The following EYS variants were observed in gnomAD, a reference collection of about 807,000 sequenced individuals.
EYS encodes EGF-like photoreceptor maintenance factor.
In EYS, 250 loss-of-function variants were observed where a neutral mutation model predicts 282.1. That is an observed-to-expected ratio of 0.89 (90% confidence interval 0.80 to 0.98). The LOEUF is 0.98. Among genes scored for constraint, EYS ranks in the 50% least tolerant of loss-of-function variants. The pLI, the probability that EYS is intolerant of heterozygous loss-of-function variation, is 0.00. For missense variants in EYS, 4,016 were observed against 3,709.0 expected, an observed-to-expected ratio of 1.08 and a Z score of -2.15; for synonymous variants, 1,355 against 1,282.9, an observed-to-expected ratio of 1.06 and a Z score of -1.20.
chr6:63,789,013 C>G, intron 38 of EYS, 45 bp downstream of exon 38: 1 of 1,533,524 alleles, frequency 6.5e-7, no homozygotes. Flanking sequence ...TGACAATATA[C>G]TAGTGCTCTC....
At position 64,043,153 on chromosome 6, in the gene EYS, T is replaced by C. The variant is rs9359739; in HGVS notation, c.6725+23185A>G. Among the ~76,000 whole-genome samples the C allele has an allele frequency of 1.5e-4, 23 of 152,264 alleles. No homozygotes were observed. In the East Asian group the frequency reaches 3.5e-3, roughly 23 times the overall value. Reference sequence around the variant, plus strand: ...TTATGACATAGGTACTGAATAGACATTTTTTAAACTAATGATAAAATACCA... The same window carrying C: ...TTATGACATAGGTACTGAATAGACACTTTTTAAACTAATGATAAAATACCA... On this transcript the variant is annotated intron_variant, in intron 33 of 42. Coordinates refer to ENST00000503581, the MANE Select transcript of EYS (RefSeq NM_001142800.2).
intron 22 of EYS, among the ~76,000 whole-genome samples, chr6:64,653,499 G>A (rs892957966): frequency 6.6e-5 from 10 of 152,068 alleles, no homozygotes; most frequent in African/African-American, 1.4e-4. Flanking sequence ...ACCTATAAAC[G>A]TGGCAATTTG....
chr6:64,081,546 A>G (rs1771967879), intron 32 of EYS, among the ~76,000 whole-genome samples: 1 of 152,192 alleles, frequency 6.6e-6, no homozygotes, highest in East Asian at 1.9e-4. Context: ...AGTGATTTAT[A>G]TCATAAAAGT....
rs144968860 is a variant in EYS, at chr6:64,094,155, G to A, written c.6425-12153C>T. On this transcript the variant is annotated intron_variant, in intron 31 of 42. Coordinates refer to ENST00000503581, the MANE Select transcript of EYS (RefSeq NM_001142800.2). ...TTTGATGTGCTGCTGGATTCGGTTT[G>A]CCAGTATTTTATTGAGGATTTTCGC... Among the ~76,000 whole-genome samples the A allele has an allele frequency of 4.8e-3, 730 of 152,064 alleles. 3 individuals carry two copies. Among genetic ancestry groups the A allele is most frequent in the African/African-American group, 0.016 (647 of 41,530 alleles).
intron 31 of EYS, among the ~76,000 whole-genome samples, chr6:64,151,996 C>T (rs1479425086): frequency 1.3e-5 from 2 of 152,064 alleles, no homozygotes; most frequent in Non-Finnish European, 2.9e-5. Context: ...TTTCCTAGAG[C>T]TGAATGATTA....
chr6:65,452,364 A>T (rs1764437774), intron 5 of EYS, among the ~76,000 whole-genome samples: 1 of 151,908 alleles, frequency 6.6e-6, no homozygotes, highest in South Asian at 2.1e-4. Flanking sequence ...TTTCTGAATT[A>T]AATAAGATGT....
intron 26 of EYS, among the ~76,000 whole-genome samples, chr6:64,472,664 T>G (rs1776153952): frequency 6.6e-6 from 1 of 152,152 alleles, no homozygotes. Context: ...ATAGAAGGAA[T>G]TTAAATATGA....
intron 2 of EYS, among the ~76,000 whole-genome samples, chr6:65,513,970 G>A (rs1317364366): frequency 2.0e-5 from 3 of 152,052 alleles, no homozygotes; most frequent in Admixed American, 6.6e-5. Context: ...GAAATCAAGG[G>A]TATTCAATTC....
rs983386840 is a variant in EYS at position 65,494,919 on chromosome 6, T to C, written c.492A>G (p.Arg164=). Reference sequence around the variant, plus strand: ...ACTGCTGTTTCACTGTCACATTTAGTCGAAGTCCCAGTGGACAAGGTGATG... The same window carrying C: ...ACTGCTGTTTCACTGTCACATTTAGCCGAAGTCCCAGTGGACAAGGTGATG... The part of the protein sequence containing the change: ...SGPSPCPLGL[R]LNVTVKQQFC... Residue 164 remains arginine (R), a synonymous_variant, in exon 4 of 43, where the codon CGA becomes CGG. Transcript: ENST00000503581. 35 of 1,614,034 alleles carry C rather than the reference T, an allele frequency of 2.2e-5. No homozygotes were observed. The highest frequency in any genetic ancestry group is 2.9e-5 in the Non-Finnish European group (34 of 1,180,024).
intron 22 of EYS, among the ~76,000 whole-genome samples, chr6:64,675,703 C>T (rs1414196957): frequency 1.3e-5 from 2 of 151,946 alleles, no homozygotes; most frequent in Non-Finnish European, 2.9e-5. Context: ...GCTGGGATTA[C>T]AGGCATGAGC....
intron 31 of EYS, among the ~76,000 whole-genome samples, chr6:64,210,080 A>T (rs1304460439): frequency 6.6e-6 from 1 of 152,180 alleles, no homozygotes; most frequent in African/African-American, 2.4e-5. Context: ...TACTTTCTAC[A>T]TATCATAAAC....
intron 33 of EYS, among the ~76,000 whole-genome samples, chr6:64,060,130 A>AT (rs1491451084): frequency 2.6e-5 from 4 of 152,190 alleles, no homozygotes; most frequent in Non-Finnish European, 5.9e-5. Flanking sequence ...AGGCTCTCAC[A>AT]TAGTTTCCTG....
intron 5 of EYS, 25 bp downstream of exon 5, chr6:65,490,569 G>GCATTA: frequency 8.4e-7 from 1 of 1,185,344 alleles, no homozygotes; most frequent in Non-Finnish European, 1.3e-6. Flanking sequence ...TTGTGTATAT[G>GCATTA]GTTGTATACA....
At chr6:63,730,095 T>A (rs1306446621) in intron 41 of EYS, among the ~76,000 whole-genome samples, 11 of 152,214 alleles carry the variant, frequency 7.2e-5, no homozygotes, top group African/African-American at 2.7e-4. Flanking sequence ...AAGCCCCATG[T>A]AGAAACTTGG....
rs191845630 is a variant in EYS, at chr6:65,583,525, T to C, written c.-333+56253A>G. ...TTTTAATTCTATGACTCTCATTTCA[T>C]TTGGATAGCTTTGAACTCCATCTGG... is the stretch of plus-strand genomic sequence containing the variant. On this transcript the variant is annotated intron_variant, in intron 2 of 42. Transcript: ENST00000503581. Among the ~76,000 whole-genome samples the C allele has an allele frequency of 1.2e-4, 18 of 152,214 alleles. No individual in the cohort carries two copies. In the East Asian group the frequency reaches 1.7e-3, roughly 15 times the overall value.
intron 10 of EYS, among the ~76,000 whole-genome samples, chr6:65,342,293 C>T (rs1012481518): frequency 6.6e-6 from 1 of 150,936 alleles, no homozygotes; most frequent in African/African-American, 2.4e-5. Context: ...TGTCTGATTA[C>T]ACAATCTAAA....
chr6:64,516,010 A>G (rs1777551072), intron 26 of EYS, among the ~76,000 whole-genome samples: 1 of 151,800 alleles, frequency 6.6e-6, no homozygotes, highest in Non-Finnish European at 1.5e-5. Flanking sequence ...AAAGTCACCT[A>G]AGATGTAATT....
chr6:64,333,688 C>T (rs77881661), intron 29 of EYS, among the ~76,000 whole-genome samples: 5,817 of 152,128 alleles, frequency 0.038, 144 homozygotes, highest in Non-Finnish European at 0.056. Context: ...CTGGTCATCA[C>T]GAAGAAAACC....
chr6:64,809,019 ATG>A (rs1357389505), intron 22 of EYS, among the ~76,000 whole-genome samples: 1 of 152,090 alleles, frequency 6.6e-6, no homozygotes, highest in African/African-American at 2.4e-5. Flanking sequence ...GCTTTCATGG[ATG>A]TTCCTGTGCA....
Sources: gnomAD v4.1 joint callset for allele counts (sites outside exome capture counted in the v4.1 genomes callset) on GRCh38, gnomAD v4.1.1 for gene constraint, MANE v1.5 for transcripts, NCBI Gene and HGNC (gene_info 2026-07-23, HGNC 2026-07-21) for gene names.